The following TRIM28 variants were observed in gnomAD, a reference collection of about 807,000 sequenced individuals.
TRIM28 encodes transcription intermediary factor 1-beta.
TRIM28 carries 8 observed loss-of-function variants against 87.4 expected under a neutral mutation model. The observed-to-expected ratio is 0.09, with a 90% CI of 0.05 to 0.17. The LOEUF (loss-of-function observed/expected upper bound fraction) is 0.17, where lower values mean the gene tolerates loss of function less well. Ranked by LOEUF, TRIM28 falls within the 10% of genes least tolerant of loss-of-function variation. The pLI, the probability that TRIM28 is intolerant of heterozygous loss-of-function variation, is 1.00. For synonymous variants in TRIM28, 601 were observed against 454.3 expected, an observed-to-expected ratio of 1.32 and a Z score of -4.11; for missense variants, 968 against 1,131.8, an observed-to-expected ratio of 0.86 and a Z score of 2.08.
At chr19:58,547,078 G>A (rs2053767474) in intron 3 of TRIM28, 1 of 342,630 alleles carries the variant, frequency 2.9e-6, no homozygotes, top group Non-Finnish European at 5.4e-6. Context: ...AGCGGGGGTG[G>A]GGGGTGGGGT....
At position 58,547,018 on chromosome 19, in the gene TRIM28, AT is replaced by A. The variant is rs1175246266; in HGVS notation, c.587-357del. The A allele has an allele frequency of 1.7e-5, 3 of 179,182 alleles. No individual in the cohort carries two copies. In the Admixed American group the frequency reaches 2.3e-4, roughly 14 times the overall value. The allele number at this position is 179,182 out of a possible 1,614,324, so 11.1% of individuals were successfully genotyped here. A position where few individuals can be genotyped will look rare whatever the true frequency, so the allele number is the denominator to read the frequency against. ...GTGGTGTGTAGGCAGAATTCTGAGT[AT>A]GTCCACTTGGAGAAGTGTTCAGTAA... On this transcript the variant is annotated intron_variant, in intron 3 of 16. Coordinates refer to ENST00000253024, the MANE Select transcript of TRIM28 (RefSeq NM_005762.3).
At chr19:58,545,371 G>C (rs2053752022) in intron 1 of TRIM28, 54 bp from the exon 2 acceptor site, 10 of 1,417,414 alleles carry the variant, frequency 7.1e-6, no homozygotes, top group Non-Finnish European at 9.9e-6. Context: ...AATGGTGGGG[G>C]CCATAACCTG....
At chr19:58,547,999 C>T (rs1398973142) in intron 6 of TRIM28, 35 bp from the exon 7 acceptor site, 27 of 1,613,340 alleles carry the variant, frequency 1.7e-5, no homozygotes, top group Non-Finnish European at 2.2e-5. Context: ...ATTCTTCTGC[C>T]TTCTCTGCTT....
chr19:58,545,231 C>T (rs1346276260), intron 1 of TRIM28, 134 bp downstream of exon 1: 8 of 957,590 alleles, frequency 8.4e-6, no homozygotes, highest in Admixed American at 3.0e-5. Flanking sequence ...TTTCTGGGTC[C>T]TGCATACGAA....
Position 58,550,295 on chromosome 19 carries a change from G to T in TRIM28, c.2331+11G>T. On this transcript the variant is annotated intron_variant, in intron 16 of 16. Transcript: ENST00000253024. ...AACAAGTTAACTGAGGTGAGCCAGT[G>T]GAATGGAGAGGCTGTGGGCAGGGGG... 6.2e-7 allele frequency: 1 copy of T among 1,614,078 alleles called. No homozygotes were observed. The highest frequency in any genetic ancestry group is 8.5e-7 in the Non-Finnish European group (1 of 1,179,964).
In TRIM28 at chr19:58,544,898, G is replaced by T. The variant is rs1405131937; in HGVS notation, c.141G>T (p.Ala47=). Residue 47 remains alanine (A), a synonymous_variant, in exon 1 of 17, where the codon GCG becomes GCT. Transcript: ENST00000253024. ...CAGCCTCGGCCTCTGCCTCAGCCGC[G>T]GCGTCGTCGCCCGCGGGGGGCGGCG... The part of the protein sequence containing the change: ...SAAASASASA[A]ASSPAGGGAE... 1.5e-6 allele frequency: 2 copies of T among 1,377,106 alleles called. No individual in the cohort carries two copies. The highest frequency in any genetic ancestry group is 6.1e-5 in the East Asian group (2 of 32,630). The allele number at this position is 1,377,106 out of a possible 1,614,324, so 85.3% of individuals were successfully genotyped here. A position where few individuals can be genotyped will look rare whatever the true frequency, so the allele number is the denominator to read the frequency against.
Position 58,548,925 on chromosome 19 carries a change from T to C in TRIM28, c.1409+15T>C, listed in dbSNP as rs771692050. ...GGTGTGAAACGGTAAGTATGGCACCTCCCCTGGGGGTGAGGTGGATGGAGG... is the reference window on the plus strand; with the variant it reads ...GGTGTGAAACGGTAAGTATGGCACCCCCCCTGGGGGTGAGGTGGATGGAGG... On this transcript the variant is annotated intron_variant, in intron 11 of 16. Coordinates refer to ENST00000253024, the MANE Select transcript of TRIM28 (RefSeq NM_005762.3). 19 of 1,613,914 alleles carry C rather than the reference T, an allele frequency of 1.2e-5. No homozygotes were observed. The highest frequency in any genetic ancestry group is 1.6e-4 in the Middle Eastern group (1 of 6,062).
intron 15 of TRIM28, 39 bp from the exon 16 acceptor site, chr19:58,550,108 G>A (rs773868883): frequency 6.2e-6 from 10 of 1,613,478 alleles, no homozygotes; most frequent in African/African-American, 1.3e-5. Flanking sequence ...GCATGTATAT[G>A]TGTGTCTTTG....
intron 1 of TRIM28, 97 bp downstream of exon 1, chr19:58,545,194 G>C (rs918466962): frequency 1.7e-6 from 2 of 1,185,602 alleles, no homozygotes; most frequent in East Asian, 2.7e-5. Flanking sequence ...CGAGAGGATG[G>C]GGGCCCGGAC....
At chr19:58,545,199 C>T (rs1410530389) in intron 1 of TRIM28, 102 bp downstream of exon 1, 19 of 1,122,090 alleles carry the variant, frequency 1.7e-5, no homozygotes, top group Non-Finnish European at 2.2e-5. Context: ...GGATGGGGGC[C>T]CGGACAGGGC....
rs764955106 is a variant in TRIM28 at position 58,549,871 on chromosome 19, G to T, written c.2106+11G>T. On this transcript the variant is annotated intron_variant, in intron 14 of 16. Transcript: ENST00000253024. The surrounding 1 kb of genome is among the most constrained non-coding windows in gnomAD (Gnocchi z 4.4). ...CCAGCCAACCAGCGGGTGAGGGCTG[G>T]GGTTACTTAGGTGGGGTTGCCCAGA... 3.7e-6 allele frequency: 6 copies of T among 1,613,208 alleles called. No homozygotes were observed. Among genetic ancestry groups the T allele is most frequent in the Non-Finnish European group, 5.1e-6 (6 of 1,179,192 alleles).
chr19:58,546,384 C>T (rs546117591), intron 3 of TRIM28, among the ~76,000 whole-genome samples: 69 of 152,298 alleles, frequency 4.5e-4, no homozygotes, highest in African/African-American at 1.6e-3. Flanking sequence ...TTTGGCATTT[C>T]CAGCTTTTCA....
intron 9 of TRIM28, 30 bp from the exon 10 acceptor site, chr19:58,548,710 C>G (rs1266954548): frequency 6.2e-7 from 1 of 1,612,850 alleles, no homozygotes; most frequent in Non-Finnish European, 8.5e-7. Flanking sequence ...TCCTGTCCCA[C>G]TGAGGCAGAG....
intron 16 of TRIM28, 39 bp downstream of exon 16, chr19:58,550,323 A>T (rs1480112385): frequency 6.2e-7 from 1 of 1,613,410 alleles, no homozygotes; most frequent in South Asian, 1.1e-5. Flanking sequence ...GCAGGGGGAG[A>T]TGTGAAGGAA....
Position 58,544,728 on chromosome 19 carries a change from C to A in TRIM28, c.-30C>A. On this transcript the variant is annotated 5_prime_UTR_variant, in exon 1 of 17. Transcript: ENST00000253024. Reference sequence around the variant, plus strand: ...GCGCGGCGGGCCCCGCGCCCCTCCTCCCCCCCTGGGCGCCCCCGGCGGCGT... The same window carrying A: ...GCGCGGCGGGCCCCGCGCCCCTCCTACCCCCCTGGGCGCCCCCGGCGGCGT... The A allele has an allele frequency of 2.0e-6, 2 of 993,916 alleles. No homozygotes were observed. The highest frequency in any genetic ancestry group is 2.4e-6 in the Non-Finnish European group (2 of 825,448). The allele number at this position is 993,916 out of a possible 1,614,324, so 61.6% of individuals were successfully genotyped here.
At chr19:58,547,554 C>G (rs759329325) in intron 4 of TRIM28, 43 bp downstream of exon 4, 1 of 1,613,372 alleles carries the variant, frequency 6.2e-7, no homozygotes, top group Non-Finnish European at 8.5e-7. Flanking sequence ...GGTGCCACCC[C>G]TTCCGTAGCT....
intron 3 of TRIM28, 113 bp downstream of exon 3, chr19:58,546,009 C>T (rs180686201): frequency 7.1e-5 from 95 of 1,339,634 alleles, no homozygotes; most frequent in Admixed American, 1.8e-4. Context: ...TAGGGGGTGC[C>T]GCCCGAAGGG....
chr19:58,545,338 G>T, intron 1 of TRIM28, 87 bp from the exon 2 acceptor site: 1 of 1,147,588 alleles, frequency 8.7e-7, no homozygotes, highest in Non-Finnish European at 1.3e-6. Flanking sequence ...CGGGATAATG[G>T]TCGGGGGCCC....
intron 3 of TRIM28, 47 bp downstream of exon 3, chr19:58,545,943 C>A (rs370882381): frequency 3.9e-6 from 6 of 1,555,456 alleles, no homozygotes; most frequent in Non-Finnish European, 5.3e-6. Context: ...CCCATGTGTG[C>A]CCTCAGTTGC....
Sources: gnomAD v4.1 joint callset for allele counts (sites outside exome capture counted in the v4.1 genomes callset) on GRCh38, gnomAD v4.1.1 for gene constraint, Gnocchi (gnomAD v3.1) non-coding constraint, MANE v1.5 for transcripts, NCBI Gene and HGNC (gene_info 2026-07-23, HGNC 2026-07-21) for gene names.